SUCLG2: variants seen among roughly 807,000 people sequenced by gnomAD.
SUCLG2 encodes succinate--CoA ligase [GDP-forming] subunit beta, mitochondrial.
SUCLG2 carries 42 observed loss-of-function variants against 47.9 expected under a neutral mutation model. That is an observed-to-expected ratio of 0.88 (90% CI 0.69 to 1.14). The LOEUF (loss-of-function observed/expected upper bound fraction) is 1.14, where lower values mean the gene tolerates loss of function less well. SUCLG2 is among the 50% of genes most tolerant of loss of function. SUCLG2 has a pLI of 0.00. For missense variants in SUCLG2, 571 were observed against 525.9 expected (o/e 1.09, Z -0.84); for synonymous variants, 195 against 197.3 (o/e 0.99, Z 0.10).
chr3:67,427,872 C>T (rs535349753), intron 9 of SUCLG2, among the ~76,000 whole-genome samples: 1 of 152,348 alleles, frequency 6.6e-6, no homozygotes, highest in East Asian at 1.9e-4. Flanking sequence ...ACTGCTACCA[C>T]AGCAGTCTGA....
chr3:67,490,617 C>A (rs907360144), intron 9 of SUCLG2, among the ~76,000 whole-genome samples: 1 of 152,298 alleles, frequency 6.6e-6, no homozygotes, highest in Non-Finnish European at 1.5e-5. Flanking sequence ...AGACACCTCC[C>A]ATTTCTGAGA....
intron 1 of SUCLG2, among the ~76,000 whole-genome samples, chr3:67,616,758 C>T (rs763316955): frequency 6.6e-6 from 1 of 152,100 alleles, no homozygotes; most frequent in South Asian, 2.1e-4. Context: ...GGTATGAAAT[C>T]GAGGTGGGTG....
downstream of SUCLG2, among the ~76,000 whole-genome samples, chr3:67,371,484 A>G (rs2106750156): frequency 6.6e-6 from 1 of 152,304 alleles, no homozygotes; most frequent in Admixed American, 6.5e-5. Context: ...TCATGGTTAT[A>G]GATGTTGGGA....
intron 10 of SUCLG2, among the ~76,000 whole-genome samples, chr3:67,385,669 C>T (rs1702244289): frequency 1.3e-5 from 2 of 152,352 alleles, no homozygotes; most frequent in South Asian, 4.1e-4. Context: ...GTTTACAAAG[C>T]TGCCTAATTC....
intron 2 of SUCLG2, among the ~76,000 whole-genome samples, chr3:67,604,407 A>G (rs1419232594): frequency 6.6e-6 from 1 of 152,216 alleles, no homozygotes; most frequent in Non-Finnish European, 1.5e-5. Context: ...TCCCAAAAAT[A>G]TCATCATCAA....
intron 10 of SUCLG2, among the ~76,000 whole-genome samples, chr3:67,390,449 T>C (rs1702355786): frequency 1.3e-5 from 2 of 152,232 alleles, no homozygotes; most frequent in South Asian, 2.1e-4. Flanking sequence ...AAGGAAAGGA[T>C]TATTCTCCTC....
intron 1 of SUCLG2, among the ~76,000 whole-genome samples, chr3:67,638,224 G>C (rs1701040342): frequency 6.6e-6 from 1 of 152,156 alleles, no homozygotes; most frequent in African/African-American, 2.4e-5. Flanking sequence ...ATAAATGATA[G>C]ATAATGATAA....
At chr3:67,466,872 T>C (rs919336821) in intron 9 of SUCLG2, among the ~76,000 whole-genome samples, 7 of 152,184 alleles carry the variant, frequency 4.6e-5, no homozygotes, top group African/African-American at 1.7e-4. Context: ...GATACAAAGA[T>C]ATAACATGCT....
At chr3:67,477,208 G>A (rs1575722857) in intron 9 of SUCLG2, among the ~76,000 whole-genome samples, 1 of 152,148 alleles carries the variant, frequency 6.6e-6, no homozygotes, top group Non-Finnish European at 1.5e-5. Flanking sequence ...ATCCCAAGAA[G>A]TTGATTTAAT....
intron 6 of SUCLG2, chr3:67,514,230 C>T (rs1439636181): frequency 2.6e-6 from 1 of 386,426 alleles, no homozygotes; most frequent in African/African-American, 2.1e-5. Context: ...GGCACCTGTT[C>T]TTCTGGTATG....
intron 4 of SUCLG2, among the ~76,000 whole-genome samples, chr3:67,522,004 ATATT>A (rs946579651): frequency 6.6e-6 from 1 of 151,462 alleles, no homozygotes; most frequent in African/African-American, 2.4e-5. Flanking sequence ...TTATATGACA[ATATT>A]TATTTAACCA....
At chr3:67,546,360 G>A (rs1706862306) in intron 2 of SUCLG2, among the ~76,000 whole-genome samples, 2 of 152,148 alleles carry the variant, frequency 1.3e-5, no homozygotes, top group South Asian at 4.1e-4. Flanking sequence ...CAGAAATCAA[G>A]TCCTGTTTCA....
intron 10 of SUCLG2, among the ~76,000 whole-genome samples, chr3:67,380,943 G>A (rs1277818984): frequency 6.6e-6 from 1 of 152,080 alleles, no homozygotes; most frequent in African/African-American, 2.4e-5. Flanking sequence ...CCCTGCCCTT[G>A]TCGTTAACTA....
At chr3:67,402,991 G>A (rs1702721571) in intron 9 of SUCLG2, among the ~76,000 whole-genome samples, 3 of 152,200 alleles carry the variant, frequency 2.0e-5, no homozygotes, top group African/African-American at 7.2e-5. Flanking sequence ...TCTACTTAGT[G>A]GGTGAGTGCC....
chr3:67,601,777 T>C (rs1326592732), intron 2 of SUCLG2, among the ~76,000 whole-genome samples: 2 of 151,456 alleles, frequency 1.3e-5, no homozygotes, highest in Non-Finnish European at 2.9e-5. Flanking sequence ...AGGCCAGGAG[T>C]TCGAGACCAT....
At chr3:67,625,419 G>T (rs1700809405) in intron 1 of SUCLG2, among the ~76,000 whole-genome samples, 1 of 152,088 alleles carries the variant, frequency 6.6e-6, no homozygotes, top group Non-Finnish European at 1.5e-5. Flanking sequence ...GCAACACCAG[G>T]GAGGTGAGAA....
At chr3:67,394,540 G>A (rs187943567) in intron 10 of SUCLG2, among the ~76,000 whole-genome samples, 5 of 151,576 alleles carry the variant, frequency 3.3e-5, no homozygotes, top group African/African-American at 4.8e-5. Flanking sequence ...TCAAATCTAC[G>A]TCTCATTGGT....
Position 67,654,496 on chromosome 3 carries a change from CGCTCACCTGGG to C in SUCLG2, c.80_84+6del. On this transcript the variant is annotated splice_donor_variant and splice_donor_5th_base_variant and coding_sequence_variant and intron_variant, in exon 1 of 11. Transcript: ENST00000307227. LOFTEE classifies it high-confidence loss of function. ...CTGGCGCCCGCAGCTCCTGCCCCCACGCTCACCTGGGACCCGGCCGCCAGGAAGCGGGGCCG... is the reference window on the plus strand; with the variant it reads ...CTGGCGCCCGCAGCTCCTGCCCCCACACCCGGCCGCCAGGAAGCGGGGCCG... 8.1e-7 allele frequency: 1 copy of C among 1,236,564 alleles called. No homozygotes were observed. Among genetic ancestry groups the C allele is most frequent in the Non-Finnish European group, 1.0e-6 (1 of 989,266 alleles). The allele number at this position is 1,236,564 out of a possible 1,614,324, so 76.6% of individuals were successfully genotyped here.
chr3:67,390,656 T>C (rs970965570), intron 10 of SUCLG2, among the ~76,000 whole-genome samples: 3 of 151,896 alleles, frequency 2.0e-5, no homozygotes, highest in Non-Finnish European at 4.4e-5. Flanking sequence ...ATGAGGGTTT[T>C]TTTTTTTTCC....
Sources: gnomAD v4.1 joint callset for allele counts (sites outside exome capture counted in the v4.1 genomes callset) on GRCh38, gnomAD v4.1.1 for gene constraint, MANE v1.5 for transcripts, NCBI Gene and HGNC (gene_info 2026-07-23, HGNC 2026-07-21) for gene names.